The following DNA2 variants were observed in gnomAD, a reference collection of about 807,000 sequenced individuals.
The protein encoded by DNA2 is DNA replication ATP-dependent helicase/nuclease DNA2.
Under a neutral mutation model 119.1 loss-of-function variants are expected in DNA2, and 101 were observed. The ratio of observed to expected loss-of-function variants is 0.85; its 90% CI spans 0.72 to 1.00. The LOEUF is 1.00. Ranked by LOEUF, DNA2 falls within the 50% of genes least tolerant of loss-of-function variation. The pLI, the probability that DNA2 is intolerant of heterozygous loss-of-function variation, is 0.00. For missense variants in DNA2, 1,121 were observed against 1,255.5 expected, an observed-to-expected ratio of 0.89 and a Z score of 1.62; for synonymous variants, 366 against 424.4, an observed-to-expected ratio of 0.86 and a Z score of 1.69.
chr10:68,441,170 A>C lies in DNA2; in HGVS notation c.1415+1747T>G, dbSNP rs192258196. 1.6e-4 allele frequency among the ~76,000 whole-genome samples: 24 copies of C among 151,256 alleles called. 1 individual carries two copies. Among genetic ancestry groups the C allele is most frequent in the Admixed American group, 8.6e-4 (13 of 15,148 alleles). ...CCATATAGCAAGACCCCATCTCTAA[A>C]AAAAAAAAAGTTAGCCAAGTTTGGT... On this transcript the variant is annotated intron_variant, in intron 9 of 20. Coordinates refer to ENST00000358410, the MANE Select transcript of DNA2 (RefSeq NM_001080449.3).
At chr10:68,471,739 C>T (rs2052384229) in intron 1 of DNA2, 52 bp downstream of exon 1, 1 of 1,514,318 alleles carries the variant, frequency 6.6e-7, no homozygotes, top group Non-Finnish European at 8.8e-7. Context: ...TCTCCCGCTC[C>T]TTCTTTCAAA....
chr10:68,454,268 T>A (rs770142063), intron 5 of DNA2, among the ~76,000 whole-genome samples: 4 of 151,780 alleles, frequency 2.6e-5, no homozygotes, highest in African/African-American at 9.7e-5. Flanking sequence ...GGCACACATA[T>A]AGCATTGAAT....
At chr10:68,425,854 G>T (rs2133368617) in intron 14 of DNA2, among the ~76,000 whole-genome samples, 1 of 151,836 alleles carries the variant, frequency 6.6e-6, no homozygotes, top group South Asian at 2.1e-4. Flanking sequence ...CAAATACCAG[G>T]CCAGGCGCTG....
chr10:68,432,778 A>T (rs1449951994), intron 10 of DNA2, among the ~76,000 whole-genome samples: 2 of 152,180 alleles, frequency 1.3e-5, no homozygotes, highest in Non-Finnish European at 2.9e-5. Context: ...TTACCCTTGC[A>T]GTCGAACACG....
At chr10:68,441,328 T>C (rs2051964634) in intron 9 of DNA2, among the ~76,000 whole-genome samples, 1 of 134,370 alleles carries the variant, frequency 7.4e-6, no homozygotes, top group Non-Finnish European at 1.5e-5. Flanking sequence ...AGTGTGACCC[T>C]GTCTCTTAAA....
chr10:68,429,519 G>A (rs1428365763), intron 14 of DNA2, among the ~76,000 whole-genome samples: 1 of 148,102 alleles, frequency 6.8e-6, no homozygotes, highest in Non-Finnish European at 1.5e-5. Flanking sequence ...ACTCCAGCCT[G>A]GGCAACAAGA....
chr10:68,415,737 T>C (rs2051580338), intron 20 of DNA2, among the ~76,000 whole-genome samples: 1 of 151,860 alleles, frequency 6.6e-6, no homozygotes, highest in South Asian at 2.1e-4. Context: ...CACTACAACC[T>C]CCGCCTCCCG....
At position 68,422,392 on chromosome 10, in the gene DNA2, C is replaced by A. The variant is rs751612648; in HGVS notation, c.2530G>T (p.Gly844Cys). The change falls in exon 17 of 21, where the codon GGC becomes TGC. Residue 844 changes from glycine (G) to cysteine (C), a missense_variant. Physicochemically the swap from Gly to Cys is radical, Grantham distance 159. Coordinates refer to ENST00000358410, the MANE Select transcript of DNA2 (RefSeq NM_001080449.3). ...MSLSNKLTYEGKLECGSDKVA... is the reference protein window; with the variant it reads ...MSLSNKLTYECKLECGSDKVA... ...TTGTCTGATCCACACTCCAGCTTGC[C>A]CTCATAGGTCAGCTTATTACTTAAG... The A allele has an allele frequency of 5.0e-6, 8 of 1,613,816 alleles. No individual in the cohort carries two copies. In the South Asian group the frequency reaches 7.7e-5, roughly 16 times the overall value.
intron 1 of DNA2, among the ~76,000 whole-genome samples, chr10:68,471,413 T>C (rs2052379555): frequency 6.6e-6 from 1 of 152,222 alleles, no homozygotes; most frequent in South Asian, 2.1e-4. Flanking sequence ...ATCATTTATA[T>C]ACACCATGCT....
chr10:68,454,662 C>T (rs2052161089), intron 5 of DNA2, among the ~76,000 whole-genome samples: 1 of 151,712 alleles, frequency 6.6e-6, no homozygotes, highest in South Asian at 2.1e-4. Flanking sequence ...AAAAATTAGC[C>T]AGGCATGGTG....
chr10:68,444,252 C>A (rs750372240), intron 8 of DNA2, among the ~76,000 whole-genome samples: 1 of 150,570 alleles, frequency 6.6e-6, no homozygotes, highest in South Asian at 2.1e-4. Flanking sequence ...TAGCTGGGTG[C>A]GGTGGCGAGC....
intron 9 of DNA2, among the ~76,000 whole-genome samples, chr10:68,438,760 G>A (rs111806264): frequency 0.035 from 5,392 of 152,058 alleles, 288 homozygotes; most frequent in African/African-American, 0.12. Context: ...TGGGCCGGGC[G>A]CCGTGGCTCA....
At chr10:68,420,864 G>A (rs761965165) in intron 17 of DNA2, among the ~76,000 whole-genome samples, 2 of 152,074 alleles carry the variant, frequency 1.3e-5, no homozygotes, top group Middle Eastern at 3.2e-3. Flanking sequence ...GTGCATATGT[G>A]GGGGAGGGAG....
Position 68,465,728 on chromosome 10 carries a change from G to C in DNA2, c.526C>G (p.Pro176Ala). ...FQKAINNSFA[P>A]EKLQELAFQT... is the part of the protein sequence containing the mutation. The stretch of plus-strand genomic sequence containing the variant: ...AAAGCAAGTTCTTGTAGCTTTTCTG[G>C]GGCAAAGCTATTATTTATGGCTTTT... The change falls in exon 4 of 21, where the codon CCA becomes GCA. Residue 176 changes from proline (P) to alanine (A), a missense_variant. Transcript: ENST00000358410. 6.2e-7 allele frequency: 1 copy of C among 1,607,312 alleles called. No individual in the cohort carries two copies.
At position 68,415,692 on chromosome 10, in the gene DNA2, G is replaced by A. The variant is rs148391045; in HGVS notation, c.3115-585C>T. Among the ~76,000 whole-genome samples, 1,325 of 151,488 alleles carry A rather than the reference G, an allele frequency of 8.7e-3. 21 individuals carry two copies. The highest frequency in any genetic ancestry group is 0.03 in the African/African-American group (1,235 of 41,286). On this transcript the variant is annotated intron_variant, in intron 20 of 20. Transcript: ENST00000358410. ...TTTGTTTTGTTTTGTTTTTTGAGAC[G>A]GAGTCTCGCTCTGCCACCAGGCTAG...
chr10:68,454,832 T>C (rs1227362917), intron 5 of DNA2, among the ~76,000 whole-genome samples: 1 of 145,026 alleles, frequency 6.9e-6, no homozygotes, highest in Non-Finnish European at 1.5e-5. Flanking sequence ...TTCAAGCAAA[T>C]GTAAATGACA....
chr10:68,458,734 C>T (rs940816887), intron 5 of DNA2, among the ~76,000 whole-genome samples: 3 of 150,032 alleles, frequency 2.0e-5, no homozygotes, highest in African/African-American at 7.4e-5. Context: ...TGTAATCCCA[C>T]CTACTTGGGA....
intron 4 of DNA2, among the ~76,000 whole-genome samples, chr10:68,465,009 T>C (rs1264275154): frequency 6.8e-6 from 1 of 147,252 alleles, no homozygotes; most frequent in Non-Finnish European, 1.5e-5. Flanking sequence ...AAAAATACTG[T>C]AAAGCTGCAT....
At chr10:68,421,360 CCT>C (rs1427515710) in intron 17 of DNA2, among the ~76,000 whole-genome samples, 2 of 152,148 alleles carry the variant, frequency 1.3e-5, no homozygotes, top group South Asian at 2.1e-4. Flanking sequence ...GAATTATACC[CCT>C]GAGTTCACTT....
Sources: allele counts gnomAD v4.1 joint callset (sites outside exome capture counted in the v4.1 genomes callset), GRCh38; gene constraint gnomAD v4.1.1; transcripts MANE v1.5; gene names NCBI Gene and HGNC (gene_info 2026-07-23, HGNC 2026-07-21).